The following EML2 variants were observed in gnomAD, a reference collection of about 807,000 sequenced individuals.
The protein encoded by EML2 is echinoderm microtubule-associated protein-like 2.
EML2 carries 59 observed loss-of-function variants against 84.7 expected under a neutral mutation model. That is an observed-to-expected ratio of 0.70 (90% CI 0.56 to 0.86). The LOEUF is 0.86. Among genes scored for constraint, EML2 ranks in the 40% least tolerant of loss-of-function variants. The pLI, the probability that EML2 is intolerant of heterozygous loss-of-function variation, is 0.00. For synonymous variants in EML2, 352 were observed against 348.9 expected, an observed-to-expected ratio of 1.01 and a Z score of -0.10; for missense variants, 818 against 855.6, an observed-to-expected ratio of 0.96 and a Z score of 0.55.
chr19:45,642,440 G>C (rs1974632258), upstream of EML2: 1 of 1,471,232 alleles, frequency 6.8e-7, no homozygotes, highest in Admixed American at 2.3e-5. Flanking sequence ...TCTAAGCGGG[G>C]GGCCAGCCAC....
At chr19:45,636,742 T>TC (rs369379063) in intron 3 of EML2, among the ~76,000 whole-genome samples, 24 of 152,128 alleles carry the variant, frequency 1.6e-4, no homozygotes, top group African/African-American at 5.1e-4. Flanking sequence ...AGGTCAGGAG[T>TC]CCAAGACCAG....
intron 8 of EML2, 47 bp downstream of exon 8, chr19:45,626,636 GCTACCTCCCTGCCTGTCCCTAA>G: frequency 6.6e-7 from 1 of 1,525,738 alleles, no homozygotes; most frequent in African/African-American, 1.4e-5. Context: ...GGGGGATCTT[GCTACCTCCCTGCCTGTCCCTAA>G]CTACCTCTCT....
intron 6 of EML2, 37 bp from the exon 7 acceptor site, chr19:45,630,083 G>A (rs1339762144): frequency 6.6e-7 from 1 of 1,510,854 alleles, no homozygotes. Flanking sequence ...CAGAGGCAAG[G>A]GGAGTCAGGG....
At chr19:45,634,946 G>A (rs1046738065) in intron 3 of EML2, among the ~76,000 whole-genome samples, 11 of 152,018 alleles carry the variant, frequency 7.2e-5, no homozygotes, top group African/African-American at 2.7e-4. Context: ...CGACTCCCTG[G>A]TTCAAACGAT....
At chr19:45,642,126 G>T (rs1219212847), upstream of EML2, 1 of 1,493,418 alleles carries the variant, frequency 6.7e-7, no homozygotes, top group Admixed American at 2.2e-5. Context: ...CCAGTCTAAC[G>T]GGGATACCCG....
intron 8 of EML2, among the ~76,000 whole-genome samples, chr19:45,625,136 G>T (rs1972151352): frequency 6.6e-6 from 1 of 152,138 alleles, no homozygotes; most frequent in Admixed American, 6.6e-5. Context: ...GCATGTCTCG[G>T]CTCACAGCAA....
At chr19:45,625,134 C>T (rs1163572753) in intron 8 of EML2, among the ~76,000 whole-genome samples, 1 of 152,166 alleles carries the variant, frequency 6.6e-6, no homozygotes, top group Admixed American at 6.6e-5. Flanking sequence ...TGGCATGTCT[C>T]GGCTCACAGC....
chr19:45,611,478 ATTCTTC>A (rs36012138), intron 18 of EML2, among the ~76,000 whole-genome samples: 10 of 110,242 alleles, frequency 9.1e-5, no homozygotes, highest in South Asian at 5.6e-4. Context: ...ATATGTAACA[ATTCTTC>A]TTCTTCTTCT....
intron 7 of EML2, among the ~76,000 whole-genome samples, chr19:45,629,530 G>A (rs1972772192): frequency 6.6e-6 from 1 of 151,884 alleles, no homozygotes; most frequent in African/African-American, 2.4e-5. Flanking sequence ...CTCCATGTTG[G>A]TCAGGCTGGT....
chr19:45,639,450 G>A (rs1448283158), upstream of EML2: 9 of 1,231,798 alleles, frequency 7.3e-6, no homozygotes, highest in Non-Finnish European at 9.2e-6. Flanking sequence ...CCTGGGAGGC[G>A]CCCGGGCCGC....
upstream of EML2, chr19:45,640,662 C>A (rs1974373978): frequency 6.6e-6 from 1 of 152,296 alleles, no homozygotes; most frequent in South Asian, 2.1e-4. Context: ...TGTGATCCAC[C>A]CGCCTAGGCC....
chr19:45,624,109 T>G (rs1240624638), intron 9 of EML2, among the ~76,000 whole-genome samples: 6 of 152,378 alleles, frequency 3.9e-5, no homozygotes, highest in Non-Finnish European at 8.8e-5. Flanking sequence ...CAATCTGTTC[T>G]TCATAACACA....
At chr19:45,619,965 C>T (rs1008678029) in intron 11 of EML2, among the ~76,000 whole-genome samples, 1 of 152,046 alleles carries the variant, frequency 6.6e-6, no homozygotes, top group African/African-American at 2.4e-5. Flanking sequence ...GCAGGAGGAT[C>T]CCTTGAGCCC....
Position 45,634,357 on chromosome 19 carries a change from C to T in EML2, c.294G>A (p.Gln98=), listed in dbSNP as rs1466692595. Residue 98 remains glutamine (Q), a synonymous_variant, in exon 4 of 19, where the codon CAG becomes CAA. Coordinates refer to ENST00000245925, the MANE Select transcript of EML2 (RefSeq NM_012155.4). The part of the protein sequence containing the change: ...AVLYSVEEQR[Q]RHYLGHNDDI... ...CATCGTTGTGTCCCAGGTAGTGTCG[C>T]TGCCTCTGCTCCTCCACGCTGTATA... 6.2e-7 allele frequency: 1 copy of T among 1,613,874 alleles called. No individual in the cohort carries two copies. Among genetic ancestry groups the T allele is most frequent in the Non-Finnish European group, 8.5e-7 (1 of 1,179,942 alleles).
chr19:45,633,687 G>A (rs1973353519), intron 4 of EML2, among the ~76,000 whole-genome samples: 3 of 151,980 alleles, frequency 2.0e-5, no homozygotes, highest in Non-Finnish European at 4.4e-5. Flanking sequence ...GCAGTGAGTC[G>A]AGATCGTGCC....
chr19:45,641,620 T>C, upstream of EML2: 1 of 1,534,690 alleles, frequency 6.5e-7, no homozygotes, highest in South Asian at 1.2e-5. Context: ...TTCTGCGGCT[T>C]GACGCCGCCC....
intron 6 of EML2, among the ~76,000 whole-genome samples, chr19:45,631,599 G>A (rs1195547390): frequency 6.6e-6 from 1 of 151,736 alleles, no homozygotes. Flanking sequence ...GTAGAGATGG[G>A]GTTTCACCAT....
intron 17 of EML2, 39 bp from the exon 18 acceptor site, chr19:45,613,710 G>A (rs1214998838): frequency 6.3e-7 from 1 of 1,598,510 alleles, no homozygotes; most frequent in African/African-American, 1.3e-5. Context: ...GATGTCAGCT[G>A]GAGCCAGGGA....
chr19:45,620,060 G>A (rs1164843985), intron 11 of EML2, among the ~76,000 whole-genome samples: 1 of 152,016 alleles, frequency 6.6e-6, no homozygotes, highest in East Asian at 1.9e-4. Flanking sequence ...TGCTAAACAT[G>A]AGGATAATTC....
Sources: gnomAD v4.1 joint callset for allele counts (sites outside exome capture counted in the v4.1 genomes callset) on GRCh38, gnomAD v4.1.1 for gene constraint, MANE v1.5 for transcripts, NCBI Gene and HGNC (gene_info 2026-07-23, HGNC 2026-07-21) for gene names.